The following TATDN3 variants were observed in gnomAD, a reference collection of about 807,000 sequenced individuals.
TATDN3 encodes TatD DNase domain containing 3, also known as deoxyribonuclease TATDN3.
A neutral mutation model predicts 40.1 loss-of-function variants in TATDN3; 29 were observed. The ratio of observed to expected loss-of-function variants is 0.72; its 90% CI spans 0.54 to 0.99. TATDN3 has a LOEUF of 0.99. Ranked by LOEUF, TATDN3 falls within the 50% of genes least tolerant of loss-of-function variation. TATDN3 has a pLI of 0.00. For synonymous variants in TATDN3, 105 were observed against 117.0 expected, an observed-to-expected ratio of 0.90 and a Z score of 0.66; for missense variants, 309 against 321.9, an observed-to-expected ratio of 0.96 and a Z score of 0.31.
At chr1:212,805,186 T>G (rs924777121) in intron 7 of TATDN3, among the ~76,000 whole-genome samples, 2 of 152,016 alleles carry the variant, frequency 1.3e-5, no homozygotes, top group African/African-American at 4.8e-5. Flanking sequence ...GGTCTCGAAC[T>G]CCTGACCTCA....
At chr1:212,792,363 G>A (rs1193842345) in intron 1 of TATDN3, among the ~76,000 whole-genome samples, 2 of 151,986 alleles carry the variant, frequency 1.3e-5, no homozygotes, top group African/African-American at 4.8e-5. Flanking sequence ...GTCGGGCGCG[G>A]GCTCACGCCC....
rs541777649 is a variant in TATDN3 at position 212,797,012 on chromosome 1, A to C, written c.174-100A>C. Reference sequence around the variant, plus strand: ...CAGCCTCCCAAAGTGCTGGAATTACAGACATAAGCCACCATGCCCGACCTC... The same window carrying C: ...CAGCCTCCCAAAGTGCTGGAATTACCGACATAAGCCACCATGCCCGACCTC... On this transcript the variant is annotated intron_variant, in intron 3 of 9. Coordinates refer to ENST00000366974, the MANE Select transcript of TATDN3 (RefSeq NM_001042552.3). 1.5e-3 allele frequency: 1,335 copies of C among 881,588 alleles called. 1 individual carries two copies. The highest frequency in any genetic ancestry group is 2.2e-3 in the Non-Finnish European group (1,173 of 545,160). The allele number at this position is 881,588 out of a possible 1,614,324, so 54.6% of individuals were successfully genotyped here.
At chr1:212,805,271 T>C (rs1398107019) in intron 7 of TATDN3, among the ~76,000 whole-genome samples, 2 of 150,708 alleles carry the variant, frequency 1.3e-5, no homozygotes, top group African/African-American at 4.9e-5. Flanking sequence ...TATTTTATTT[T>C]TTGAGACACA....
chr1:212,808,849 T>C (rs900264094), intron 8 of TATDN3, among the ~76,000 whole-genome samples: 1 of 152,192 alleles, frequency 6.6e-6, no homozygotes, highest in African/African-American at 2.4e-5. Flanking sequence ...CCTAGGTAGA[T>C]ACCCAAAAGA....
chr1:212,802,410 C>T (rs1191396335), intron 4 of TATDN3, among the ~76,000 whole-genome samples: 1 of 152,168 alleles, frequency 6.6e-6, no homozygotes, highest in Admixed American at 6.6e-5. Flanking sequence ...TGTCCAAATG[C>T]CTCCTAAATG....
chr1:212,797,898 G>T lies in TATDN3; in HGVS notation c.258+702G>T, dbSNP rs544520866. On this transcript the variant is annotated intron_variant, in intron 4 of 9. Coordinates refer to ENST00000366974, the MANE Select transcript of TATDN3 (RefSeq NM_001042552.3). ...TTGGTATGTCTTATATTTCACACTT[G>T]TCTCCTGACTCAGCATCAGGAAGAT... Among the ~76,000 whole-genome samples, 6 of 152,218 alleles carry T rather than the reference G, an allele frequency of 3.9e-5. No homozygotes were observed. In the South Asian group the frequency reaches 1.0e-3, roughly 26 times the overall value.
intron 1 of TATDN3, among the ~76,000 whole-genome samples, chr1:212,792,613 T>TAAC (rs1309153674): frequency 9.0e-6 from 1 of 111,170 alleles, no homozygotes; most frequent in East Asian, 2.6e-4. Flanking sequence ...CCAGCCTGGG[T>TAAC]AACAGTGAGA....
chr1:212,797,135 G>A lies in TATDN3; in HGVS notation c.197G>A (p.Cys66Tyr). Reference sequence around the variant, plus strand: ...AGGTATAATGGGTTTGTCCTGCCATGCTTGGGTGTTCATCCAGTTCAAGGA... The same window carrying A: ...AGGTATAATGGGTTTGTCCTGCCATACTTGGGTGTTCATCCAGTTCAAGGA... ...SERYNGFVLPCLGVHPVQGLP... is the reference protein window; with the variant it reads ...SERYNGFVLPYLGVHPVQGLP... Residue 66 changes from cysteine to tyrosine, a missense_variant, in exon 4 of 10, where the codon TGC becomes TAC. Physicochemically the swap from Cys to Tyr is radical, Grantham distance 194. Transcript: ENST00000366974. The A allele has an allele frequency of 1.2e-6, 2 of 1,614,102 alleles. No individual in the cohort carries two copies. Among genetic ancestry groups the A allele is most frequent in the Non-Finnish European group, 1.7e-6 (2 of 1,179,988 alleles).
intron 7 of TATDN3, among the ~76,000 whole-genome samples, chr1:212,807,360 C>A (rs1376099802): frequency 6.6e-6 from 1 of 152,094 alleles, no homozygotes; most frequent in Non-Finnish European, 1.5e-5. Context: ...TCAGGTGATC[C>A]TCCCACCTTA....
At chr1:212,797,233 A>G in intron 4 of TATDN3, 37 bp downstream of exon 4, 1 of 1,497,378 alleles carries the variant, frequency 6.7e-7, no homozygotes, top group Non-Finnish European at 9.3e-7. Context: ...TTAAAAACAA[A>G]CAAACGAAAG....
chr1:212,802,556 G>C, intron 4 of TATDN3, 145 bp from the exon 5 acceptor site: 1 of 619,116 alleles, frequency 1.6e-6, no homozygotes, highest in Admixed American at 2.6e-5. Context: ...ATTTTAGAAG[G>C]ATTACTATTG....
chr1:212,805,855 TAAAG>T (rs983159008), intron 7 of TATDN3, among the ~76,000 whole-genome samples: 4 of 152,300 alleles, frequency 2.6e-5, no homozygotes, highest in East Asian at 1.9e-4. Context: ...CATATTTACA[TAAAG>T]AAAGCTAACA....
chr1:212,808,312 C>CAAAAAAAAA (rs34100841), intron 8 of TATDN3, among the ~76,000 whole-genome samples: 1 of 111,462 alleles, frequency 9.0e-6, no homozygotes. Context: ...AACTCCATCT[C>CAAAAAAAAA]AAAAAAAAAA....
chr1:212,813,818 C>A (rs899674912), intron 9 of TATDN3, among the ~76,000 whole-genome samples: 2 of 152,042 alleles, frequency 1.3e-5, no homozygotes, highest in Non-Finnish European at 2.9e-5. Context: ...TCAAGCAATT[C>A]TCCTGCCTCA....
At position 212,796,553 on chromosome 1, in the gene TATDN3, T is replaced by C. The variant is rs370651128; in HGVS notation, c.136T>C (p.Ser46Pro). 5.1e-6 allele frequency: 8 copies of C among 1,567,306 alleles called. No homozygotes were observed. In the African/African-American group the frequency reaches 1.1e-4, roughly 22 times the overall value. ...GGCCCTTGTGGCAGTTGCCGAACAT[T>C]CAGGAGAATTTGAAAAGATTATGCA... is the stretch of plus-strand genomic sequence containing the variant. The part of the protein sequence containing the change: ...VVALVAVAEH[S>P]GEFEKIMQLS... Residue 46 changes from serine to proline, a missense_variant, in exon 3 of 10, where the codon TCA (serine) becomes CCA (proline). Physicochemically the swap from Ser to Pro is moderately conservative, Grantham distance 74. Transcript: ENST00000366974.
At chr1:212,809,222 A>G (rs780522592) in intron 8 of TATDN3, among the ~76,000 whole-genome samples, 43 of 152,216 alleles carry the variant, frequency 2.8e-4, no homozygotes, top group Non-Finnish European at 5.0e-4. Flanking sequence ...GAGGGGAAGG[A>G]TAATAGGGAG....
At chr1:212,802,655 G>A in intron 4 of TATDN3, 46 bp from the exon 5 acceptor site, 1 of 1,281,894 alleles carries the variant, frequency 7.8e-7, no homozygotes, top group Non-Finnish European at 1.1e-6. Flanking sequence ...TTGTGAAATA[G>A]CAGTTCCTTT....
At chr1:212,797,482 A>T in intron 4 of TATDN3, 1 of 300,446 alleles carries the variant, frequency 3.3e-6, no homozygotes, top group East Asian at 6.5e-5. Flanking sequence ...CATGGAAAAT[A>T]CTTACTGTAT....
intron 1 of TATDN3, among the ~76,000 whole-genome samples, chr1:212,794,264 G>C (rs1230570346): frequency 3.4e-5 from 5 of 148,648 alleles, no homozygotes; most frequent in African/African-American, 1.3e-4. Flanking sequence ...CTGGGTGACA[G>C]AGCGAGACTC....
Sources: gnomAD v4.1 joint callset for allele counts (sites outside exome capture counted in the v4.1 genomes callset) on GRCh38, gnomAD v4.1.1 for gene constraint, MANE v1.5 for transcripts, NCBI Gene and HGNC (gene_info 2026-07-23, HGNC 2026-07-21) for gene names.